Variants in FMO3 observed in about 807,000 individuals in gnomAD.
FMO3 encodes the protein flavin-containing monooxygenase 3.
Under a neutral mutation model 39.4 loss-of-function variants are expected in FMO3, and 40 were observed. The observed-to-expected ratio is 1.02, with a 90% CI of 0.79 to 1.32. The LOEUF is 1.32. FMO3 is among the 40% of genes most tolerant of loss of function. The pLI is 0.00. For synonymous variants in FMO3, 219 were observed against 228.8 expected (o/e 0.96, Z 0.39); for missense variants, 680 against 651.8 (o/e 1.04, Z -0.47).
chr1:171,102,429 C>G (rs1408750350), intron 2 of FMO3, among the ~76,000 whole-genome samples: 3 of 152,116 alleles, frequency 2.0e-5, no homozygotes, highest in African/African-American at 7.2e-5. Context: ...ATGCTCCAAC[C>G]AGTATTTTTT....
chr1:171,117,233 G>C lies in FMO3; in HGVS notation c.1390G>C (p.Gly464Arg), dbSNP rs550307887. 6.2e-7 allele frequency: 1 copy of C among 1,614,116 alleles called. No individual in the cohort carries two copies. The highest frequency in any genetic ancestry group is 1.3e-5 in the African/African-American group (1 of 75,044). Reference protein sequence around the residue: ...DPKLAMEVYFGPCSPYQFRLV... With the variant: ...DPKLAMEVYFRPCSPYQFRLV... The stretch of plus-strand genomic sequence containing the variant: ...CAAATTGGCCATGGAAGTTTATTTT[G>C]GCCCTTGTAGTCCCTACCAGTTTAG... Residue 464 changes from glycine to arginine, a missense_variant, in exon 9 of 9, where the codon GGC (glycine) becomes CGC (arginine). By Grantham distance (125) the Gly-to-Arg change is moderately radical. Transcript: ENST00000367755.
At chr1:171,115,288 A>T (rs1190297006) in intron 7 of FMO3, among the ~76,000 whole-genome samples, 1 of 152,196 alleles carries the variant, frequency 6.6e-6, no homozygotes, top group Non-Finnish European at 1.5e-5. Context: ...AATGAGACAC[A>T]AGGCAAACAA....
In FMO3 at chr1:171,108,158, G is replaced by A; in HGVS notation, c.564G>A (p.Leu188=). The A allele has an allele frequency of 6.2e-7, 1 of 1,613,932 alleles. No individual in the cohort carries two copies. Among genetic ancestry groups the A allele is most frequent in the Non-Finnish European group, 8.5e-7 (1 of 1,179,906 alleles). ...EPGVFNGKRV[L]VVGLGNSGCD... Reference sequence around the variant, plus strand: ...GTGTATTCAATGGAAAGCGTGTCCTGGTGGTTGGCCTGGGGAATTCGGGCT... The same window carrying A: ...GTGTATTCAATGGAAAGCGTGTCCTAGTGGTTGGCCTGGGGAATTCGGGCT... Residue 188 remains leucine (L), a synonymous_variant, in exon 5 of 9, where the codon CTG becomes CTA. Coordinates refer to ENST00000367755, the MANE Select transcript of FMO3 (RefSeq NM_001002294.3).
chr1:171,108,326 T>C, intron 5 of FMO3, 105 bp downstream of exon 5: 1 of 1,351,090 alleles, frequency 7.4e-7, no homozygotes, highest in Non-Finnish European at 1.0e-6. Flanking sequence ...GGGTATCTGA[T>C]GTAAAGACTA....
chr1:171,096,752 T>TATTAAAAATATATAATTAATATAATTAC (rs1245213123), intron 2 of FMO3, among the ~76,000 whole-genome samples: 1 of 137,260 alleles, frequency 7.3e-6, no homozygotes, highest in Admixed American at 8.0e-5. Context: ...AATATAATTA[T>TATTAAAAATATATAATTAATATAATTAC]ATTAAAAATA....
chr1:171,101,576 A>G (rs759231478), intron 2 of FMO3, among the ~76,000 whole-genome samples: 3 of 152,204 alleles, frequency 2.0e-5, no homozygotes, highest in Admixed American at 6.5e-5. Flanking sequence ...AGATCCAAAC[A>G]TTGGTTAAAA....
At chr1:171,096,528 TTATATATTAAATACATACTATACTTTATA>T (rs1655072520) in intron 2 of FMO3, among the ~76,000 whole-genome samples, 2 of 70,288 alleles carry the variant, frequency 2.8e-5, no homozygotes, top group Non-Finnish European at 5.3e-5. Flanking sequence ...ATAATATACT[TTATATATTAAATACATACTATACTTTATA>T]TATTAAATAC....
chr1:171,103,903 A>G lies in FMO3; in HGVS notation c.251A>G (p.Asn84Ser), dbSNP rs775441500. The G allele has an allele frequency of 1.2e-6, 2 of 1,613,954 alleles. No homozygotes were observed. The highest frequency in any genetic ancestry group is 1.7e-6 in the Non-Finnish European group (2 of 1,179,864). Residue 84 changes from asparagine (N) to serine (S), a missense_variant, in exon 3 of 9, where the codon AAC (asparagine) becomes AGC (serine). Transcript: ENST00000367755. ...GATGACTTCCCCAACTTTATGCACA[A>G]CAGCAAGATCCAGGAATATATCATT... is the stretch of plus-strand genomic sequence containing the variant. ...FPDDFPNFMH[N>S]SKIQEYIIAF...
chr1:171,103,804 G>C lies in FMO3; in HGVS notation c.152G>C (p.Arg51Thr). 1 of 1,613,566 alleles carries C rather than the reference G, an allele frequency of 6.2e-7. No individual in the cohort carries two copies. Residue 51 changes from arginine to threonine, a missense_variant, in exon 3 of 9, where the codon AGG (arginine) becomes ACG (threonine). Coordinates refer to ENST00000367755, the MANE Select transcript of FMO3 (RefSeq NM_001002294.3). ...TCACAGGACCATGCAGAGGAGGGCA[G>C]GGCTAGCATTTACAAATCAGTCTTT... ...WKFSDHAEEG[R>T]ASIYKSVFSN...
intron 5 of FMO3, among the ~76,000 whole-genome samples, chr1:171,109,459 A>C (rs1655798127): frequency 6.7e-6 from 1 of 150,374 alleles, no homozygotes; most frequent in South Asian, 2.1e-4. Flanking sequence ...GATTATTTGC[A>C]TATGTGATAA....
At chr1:171,111,629 G>T (rs923237080) in intron 6 of FMO3, among the ~76,000 whole-genome samples, 1 of 152,026 alleles carries the variant, frequency 6.6e-6, no homozygotes, top group Non-Finnish European at 1.5e-5. Context: ...TGCATCTTCA[G>T]TCTCCTTCCC....
chr1:171,102,666 C>T (rs897742802), intron 2 of FMO3, among the ~76,000 whole-genome samples: 7 of 152,164 alleles, frequency 4.6e-5, no homozygotes, highest in Non-Finnish European at 1.0e-4. Flanking sequence ...AGAGTGGGAC[C>T]TAATGCTCAG....
At chr1:171,101,513 T>C (rs1418210641) in intron 2 of FMO3, among the ~76,000 whole-genome samples, 1 of 152,228 alleles carries the variant, frequency 6.6e-6, no homozygotes, top group Non-Finnish European at 1.5e-5. Flanking sequence ...GCCTTCCCTT[T>C]GGTTTCTAAC....
intron 3 of FMO3, 149 bp downstream of exon 3, chr1:171,104,122 T>C (rs1408058353): frequency 2.9e-6 from 2 of 687,862 alleles, no homozygotes; most frequent in African/African-American, 3.6e-5. Context: ...TTTAGAGAAT[T>C]ACCTTCTTCT....
chr1:171,092,898 C>A, intron 2 of FMO3, 108 bp downstream of exon 2: 1 of 1,207,706 alleles, frequency 8.3e-7, no homozygotes, highest in East Asian at 2.5e-5. Context: ...GTTATCATAT[C>A]TGTTAGAATT....
chr1:171,098,596 G>T (rs1655215305), intron 2 of FMO3, among the ~76,000 whole-genome samples: 1 of 152,114 alleles, frequency 6.6e-6, no homozygotes, highest in South Asian at 2.1e-4. Context: ...TTGTTTGTCT[G>T]TTATTGGGGT....
At chr1:171,104,865 C>A (rs1209705153) in intron 3 of FMO3, among the ~76,000 whole-genome samples, 1 of 151,872 alleles carries the variant, frequency 6.6e-6, no homozygotes, top group African/African-American at 2.4e-5. Context: ...CAGAGTGAGA[C>A]CCTATCTCAA....
chr1:171,096,271 AATATTAT>A (rs1157694847), intron 2 of FMO3, among the ~76,000 whole-genome samples: 2 of 51,888 alleles, frequency 3.9e-5, no homozygotes, highest in Non-Finnish European at 3.0e-5. Flanking sequence ...TATATATATA[AATATTAT>A]ATATATTATA....
In FMO3 at chr1:171,114,070, G is replaced by T. The variant is rs764280948; in HGVS notation, c.891G>T (p.Val297=). 21 of 1,613,214 alleles carry T rather than the reference G, an allele frequency of 1.3e-5. No homozygotes were observed. Among genetic ancestry groups the T allele is most frequent in the Non-Finnish European group, 1.8e-5 (21 of 1,179,486 alleles). ...CAGCAAGCATTCTGTGTGGCATTGT[G>T]TCCGTAAAGCCTAACGTGAAGGAAT... ...ELPASILCGI[V]SVKPNVKEFT... is the part of the protein sequence containing the mutation. Residue 297 remains valine, a synonymous_variant, in exon 7 of 9, where the codon GTG becomes GTT. Transcript: ENST00000367755.
Sources: gnomAD v4.1 joint callset for allele counts (sites outside exome capture counted in the v4.1 genomes callset) on GRCh38, gnomAD v4.1.1 for gene constraint, MANE v1.5 for transcripts, NCBI Gene and HGNC (gene_info 2026-07-23, HGNC 2026-07-21) for gene names.